The following LRRC4C variants were observed in gnomAD, a reference collection of about 807,000 sequenced individuals.
LRRC4C encodes leucine rich repeat containing 4C, also known as leucine-rich repeat-containing protein 4C.
In LRRC4C, 5 loss-of-function variants were observed where a neutral mutation model predicts 33.6. That is an observed-to-expected ratio of 0.15 (90% confidence interval 0.08 to 0.31). The LOEUF (loss-of-function observed/expected upper bound fraction) is 0.31. Ranked by LOEUF, LRRC4C falls within the 10% of genes least tolerant of loss-of-function variation. The pLI, the probability that LRRC4C is intolerant of heterozygous loss-of-function variation, is 1.00. For synonymous variants in LRRC4C, 329 were observed against 302.0 expected, an observed-to-expected ratio of 1.09 and a Z score of -0.93; for missense variants, 560 against 796.7, an observed-to-expected ratio of 0.70 and a Z score of 3.58.
chr11:40,439,694 C>T (rs1951304763), intron 3 of LRRC4C, among the ~76,000 whole-genome samples: 1 of 152,114 alleles, frequency 6.6e-6, no homozygotes, highest in South Asian at 2.1e-4. Context: ...CATCATGATC[C>T]ACCTGTCTTG....
chr11:40,362,953 C>G (rs1948026526), intron 3 of LRRC4C, among the ~76,000 whole-genome samples: 1 of 152,132 alleles, frequency 6.6e-6, no homozygotes, highest in South Asian at 2.1e-4. Context: ...GGAACACTTA[C>G]ACGCTGTTGG....
At chr11:41,064,651 C>T (rs1938072146) in intron 1 of LRRC4C, among the ~76,000 whole-genome samples, 1 of 152,190 alleles carries the variant, frequency 6.6e-6, no homozygotes, top group South Asian at 2.1e-4. Context: ...TGAATAGAAA[C>T]AGCTCTGTTC....
intron 1 of LRRC4C, among the ~76,000 whole-genome samples, chr11:41,330,913 G>T (rs1198605256): frequency 6.6e-6 from 1 of 152,160 alleles, no homozygotes; most frequent in Non-Finnish European, 1.5e-5. Context: ...ATATGTATAT[G>T]TGTCTTATAT....
intron 1 of LRRC4C, among the ~76,000 whole-genome samples, chr11:41,290,695 C>T (rs926666353): frequency 3.9e-5 from 6 of 152,104 alleles, no homozygotes; most frequent in South Asian, 2.1e-4. Flanking sequence ...AAAAAACTCT[C>T]CCCTCATTCT....
chr11:40,852,051 A>G (rs1449879321), intron 2 of LRRC4C, among the ~76,000 whole-genome samples: 1 of 151,560 alleles, frequency 6.6e-6, no homozygotes, highest in Non-Finnish European at 1.5e-5. Context: ...CTGGTCTTGA[A>G]CTCCTGACCT....
intron 5 of LRRC4C, among the ~76,000 whole-genome samples, chr11:40,175,630 C>T (rs1260331380): frequency 6.6e-6 from 1 of 152,182 alleles, no homozygotes; most frequent in African/African-American, 2.4e-5. Flanking sequence ...AATGTAGCTT[C>T]AGACACACTA....
At chr11:40,669,195 A>G (rs762631736) in intron 2 of LRRC4C, among the ~76,000 whole-genome samples, 4 of 152,220 alleles carry the variant, frequency 2.6e-5, no homozygotes, top group Non-Finnish European at 5.9e-5. Flanking sequence ...CCATGCCCAT[A>G]TCGAATTCAC....
chr11:40,615,682 G>T (rs945824220), intron 3 of LRRC4C, among the ~76,000 whole-genome samples: 3 of 151,654 alleles, frequency 2.0e-5, no homozygotes, highest in African/African-American at 4.8e-5. Context: ...ATTAAAATTC[G>T]CTTTAATTGG....
intron 2 of LRRC4C, among the ~76,000 whole-genome samples, chr11:40,747,746 TAAAG>T (rs1187996951): frequency 6.6e-6 from 1 of 151,828 alleles, no homozygotes; most frequent in Non-Finnish European, 1.5e-5. Flanking sequence ...ATACTGGAAA[TAAAG>T]AACTCACTGA....
intron 1 of LRRC4C, among the ~76,000 whole-genome samples, chr11:41,442,691 G>C (rs553901559): frequency 7.2e-5 from 11 of 151,794 alleles, no homozygotes; most frequent in African/African-American, 1.9e-4. Flanking sequence ...GGATGGTCTC[G>C]ATCTCCTGAC....
chr11:40,325,529 G>A (rs1946054497), intron 3 of LRRC4C, among the ~76,000 whole-genome samples: 1 of 152,026 alleles, frequency 6.6e-6, no homozygotes, highest in African/African-American at 2.4e-5. Flanking sequence ...TTGGGAGGCT[G>A]AGCAGTGAGG....
chr11:40,344,673 G>C (rs1204251604), intron 3 of LRRC4C, among the ~76,000 whole-genome samples: 2 of 152,036 alleles, frequency 1.3e-5, no homozygotes, highest in Non-Finnish European at 2.9e-5. Flanking sequence ...GCAAAGGAAA[G>C]AAATAAAATG....
intron 1 of LRRC4C, among the ~76,000 whole-genome samples, chr11:40,971,427 G>A (rs187176158): frequency 6.6e-6 from 1 of 152,284 alleles, no homozygotes; most frequent in East Asian, 1.9e-4. Context: ...GTGGTGTTAG[G>A]CCTGGGGGAG....
At chr11:41,168,173 C>A (rs1013995783) in intron 1 of LRRC4C, among the ~76,000 whole-genome samples, 1 of 152,182 alleles carries the variant, frequency 6.6e-6, no homozygotes, top group Non-Finnish European at 1.5e-5. Context: ...TCATGAAAGG[C>A]AGACTGAAAG....
At chr11:41,326,708 C>T (rs990415316) in intron 1 of LRRC4C, among the ~76,000 whole-genome samples, 3 of 152,088 alleles carry the variant, frequency 2.0e-5, no homozygotes, top group Non-Finnish European at 2.9e-5. Flanking sequence ...CACTGTGATC[C>T]GCTATGTGAA....
intron 2 of LRRC4C, among the ~76,000 whole-genome samples, chr11:40,876,624 G>C (rs1412905094): frequency 1.3e-5 from 2 of 151,950 alleles, no homozygotes; most frequent in African/African-American, 4.8e-5. Flanking sequence ...GAAATCTCAG[G>C]CTGGGCATGC....
chr11:40,649,951 T>A (rs375013819), intron 2 of LRRC4C, among the ~76,000 whole-genome samples: 32 of 152,226 alleles, frequency 2.1e-4, no homozygotes, highest in African/African-American at 7.5e-4. Context: ...TTAAACTGAA[T>A]ACCATATTCT....
chr11:41,168,792 G>A (rs1322635625), intron 1 of LRRC4C, among the ~76,000 whole-genome samples: 9 of 152,010 alleles, frequency 5.9e-5, no homozygotes, highest in Admixed American at 6.6e-5. Flanking sequence ...ACTCTTCAGC[G>A]GTTGCCTACA....
At chr11:41,077,669 A>T (rs1939257148) in intron 1 of LRRC4C, among the ~76,000 whole-genome samples, 1 of 152,128 alleles carries the variant, frequency 6.6e-6, no homozygotes, top group Non-Finnish European at 1.5e-5. Context: ...TGCTGTGAAG[A>T]ACTCTAACAT....
Sources: gnomAD v4.1 joint callset for allele counts (sites outside exome capture counted in the v4.1 genomes callset) on GRCh38, gnomAD v4.1.1 for gene constraint, MANE v1.5 for transcripts, NCBI Gene and HGNC (gene_info 2026-07-23, HGNC 2026-07-21) for gene names.